The following LPP variants were observed in gnomAD, a reference collection of about 807,000 sequenced individuals.
LPP encodes lipoma-preferred partner.
LPP carries 38 observed loss-of-function variants against 60.4 expected under a neutral mutation model. The observed-to-expected ratio is 0.63, with a 90% confidence interval of 0.49 to 0.83. LPP has a LOEUF of 0.83. LPP is among the 40% of genes least tolerant of loss of function. The pLI, the probability that LPP is intolerant of heterozygous loss-of-function variation, is 0.00. For synonymous variants in LPP, 328 were observed against 290.8 expected (o/e 1.13, Z -1.30); for missense variants, 902 against 783.6 (o/e 1.15, Z -1.80).
chr3:188,300,003 T>A (rs191253337), intron 2 of LPP, among the ~76,000 whole-genome samples: 6 of 152,208 alleles, frequency 3.9e-5, no homozygotes, highest in African/African-American at 1.4e-4. Context: ...ACAAAGGGAC[T>A]TTTATCATCC....
At chr3:188,245,240 G>C (rs1726479637) in intron 2 of LPP, among the ~76,000 whole-genome samples, 1 of 151,376 alleles carries the variant, frequency 6.6e-6, no homozygotes, top group Non-Finnish European at 1.5e-5. Context: ...AGCCTCCCAA[G>C]TAGCTGGGAT....
intron 6 of LPP, among the ~76,000 whole-genome samples, chr3:188,577,893 C>G (rs1199866287): frequency 1.3e-5 from 2 of 150,294 alleles, no homozygotes; most frequent in African/African-American, 4.9e-5. Context: ...CCTCTCCCCA[C>G]CTCCATCTCC....
chr3:188,196,359 G>A (rs1729546164), intron 1 of LPP, among the ~76,000 whole-genome samples: 1 of 152,208 alleles, frequency 6.6e-6, no homozygotes, highest in South Asian at 2.1e-4. Flanking sequence ...AGCTTGGTGA[G>A]TGACATCGCC....
At chr3:188,339,118 A>G (rs1762410314) in intron 2 of LPP, among the ~76,000 whole-genome samples, 1 of 152,128 alleles carries the variant, frequency 6.6e-6, no homozygotes, top group South Asian at 2.1e-4. Flanking sequence ...GAGAGGATGG[A>G]TGGTTTGACA....
intron 7 of LPP, among the ~76,000 whole-genome samples, chr3:188,689,809 A>T (rs1161200726): frequency 6.6e-6 from 1 of 152,204 alleles, no homozygotes; most frequent in Non-Finnish European, 1.5e-5. Flanking sequence ...ATAGCTTATT[A>T]TGCTACCTGT....
At chr3:188,276,268 T>C (rs1469618045) in intron 2 of LPP, among the ~76,000 whole-genome samples, 1 of 152,178 alleles carries the variant, frequency 6.6e-6, no homozygotes, top group African/African-American at 2.4e-5. Flanking sequence ...TGTGTCTCTT[T>C]GTTGTGTCTG....
chr3:188,403,954 G>T (rs115625655), intron 3 of LPP, among the ~76,000 whole-genome samples: 227 of 152,128 alleles, frequency 1.5e-3, no homozygotes, highest in African/African-American at 5.2e-3. Context: ...GAAAAGAAAG[G>T]CCCTGTAACC....
intron 5 of LPP, among the ~76,000 whole-genome samples, chr3:188,493,907 C>T (rs183490047): frequency 6.6e-6 from 1 of 152,142 alleles, no homozygotes; most frequent in African/African-American, 2.4e-5. Flanking sequence ...TTGCTTACTT[C>T]CCTTTTATAT....
At position 188,874,632 on chromosome 3, in the gene LPP, T is replaced by A. The variant is rs970968594; in HGVS notation, c.*153T>A. 2.5e-5 allele frequency: 21 copies of A among 847,312 alleles called. No homozygotes were observed. The highest frequency in any genetic ancestry group is 8.5e-5 in the South Asian group (4 of 47,244). 52.5% of individuals were successfully genotyped at this position (847,312 alleles called of 1,614,324 possible). ...AACACATAAATTATGAGATTTTTTT[T>A]AAAAGTTGTTACCAAATACACATTT... On this transcript the variant is annotated 3_prime_UTR_variant, in exon 12 of 12. Transcript: ENST00000617246.
chr3:188,760,040 TTCTCC>T lies in LPP; in HGVS notation c.1241-70_1241-66del, dbSNP rs1731661823. 2.2e-6 allele frequency: 3 copies of T among 1,373,164 alleles called. No individual in the cohort carries two copies. In the East Asian group the frequency reaches 7.0e-5, roughly 32 times the overall value. 85.1% of individuals were successfully genotyped at this position (1,373,164 alleles called of 1,614,324 possible). On this transcript the variant is annotated intron_variant, in intron 8 of 11. Coordinates refer to ENST00000617246, the MANE Select transcript of LPP (RefSeq NM_001375462.1). The stretch of plus-strand genomic sequence containing the variant: ...TTGCTGCTGACGTTATGAACCTGCT[TTCTCC>T]TCCACTTTGGCTTTAGCAGGACTGA...
intron 9 of LPP, among the ~76,000 whole-genome samples, chr3:188,811,959 C>A (rs1298815819): frequency 6.6e-6 from 1 of 152,014 alleles, no homozygotes; most frequent in African/African-American, 2.4e-5. Context: ...CATCTCCCTT[C>A]AAGCATTTGT....
At chr3:188,172,516 G>A (rs1006775282) in intron 1 of LPP, among the ~76,000 whole-genome samples, 2 of 152,168 alleles carry the variant, frequency 1.3e-5, no homozygotes. Context: ...TCACAAAATG[G>A]CGATTTGGAA....
At chr3:188,755,200 T>C (rs1729730666) in intron 8 of LPP, among the ~76,000 whole-genome samples, 1 of 152,208 alleles carries the variant, frequency 6.6e-6, no homozygotes, top group Non-Finnish European at 1.5e-5. Flanking sequence ...ATGTCTATTA[T>C]AATTCAAGTA....
At chr3:188,744,658 T>C (rs934384895) in intron 8 of LPP, among the ~76,000 whole-genome samples, 1 of 152,072 alleles carries the variant, frequency 6.6e-6, no homozygotes, top group African/African-American at 2.4e-5. Context: ...CTCCCATTGC[T>C]CCCCTTGCCT....
rs182158802 is a variant in LPP at position 188,325,141 on chromosome 3, C to T, written c.-66-16522C>T. 2.0e-3 allele frequency among the ~76,000 whole-genome samples: 303 copies of T among 152,100 alleles called. 2 individuals carry two copies. The highest frequency in any genetic ancestry group is 3.9e-3 in the South Asian group (19 of 4,816). On this transcript the variant is annotated intron_variant, in intron 2 of 11. Coordinates refer to ENST00000617246, the MANE Select transcript of LPP (RefSeq NM_001375462.1). ...GATTACAGGCACCAGCCATCACGCT[C>T]GGCTAATTTTTGTATTTTTAGTAGA...
At chr3:188,699,155 G>T (rs1863871545) in intron 7 of LPP, among the ~76,000 whole-genome samples, 1 of 152,132 alleles carries the variant, frequency 6.6e-6, no homozygotes, top group Non-Finnish European at 1.5e-5. Flanking sequence ...AATAGAAAAA[G>T]AAATCACTGG....
At chr3:188,717,342 G>A (rs1255990317) in intron 8 of LPP, among the ~76,000 whole-genome samples, 1 of 152,232 alleles carries the variant, frequency 6.6e-6, no homozygotes, top group Non-Finnish European at 1.5e-5. Context: ...TCTCAACTGA[G>A]AGGTGTAAAG....
At position 188,576,864 on chromosome 3, in the gene LPP, A is replaced by G. The variant is rs570711114; in HGVS notation, c.430-32297A>G. ...GATGAAGAGAATTACACATTTTCAG[A>G]AAACATTGTACATTCTTTGTTAACT... is the stretch of plus-strand genomic sequence containing the variant. On this transcript the variant is annotated intron_variant, in intron 6 of 11. Transcript: ENST00000617246. 9.2e-5 allele frequency among the ~76,000 whole-genome samples: 14 copies of G among 152,326 alleles called. No homozygotes were observed. The East Asian group carries it at 2.5e-3, about 27-fold the overall frequency.
intron 5 of LPP, among the ~76,000 whole-genome samples, chr3:188,508,107 T>C (rs557330030): frequency 9.2e-5 from 14 of 152,242 alleles, no homozygotes; most frequent in African/African-American, 3.4e-4. Context: ...CAGGGGTCCA[T>C]TGAGGCAGAC....
Sources: gnomAD v4.1 joint callset for allele counts (sites outside exome capture counted in the v4.1 genomes callset) on GRCh38, gnomAD v4.1.1 for gene constraint, MANE v1.5 for transcripts, NCBI Gene and HGNC (gene_info 2026-07-23, HGNC 2026-07-21) for gene names.